ERC1: variants seen among roughly 807,000 people sequenced by gnomAD.
The protein encoded by ERC1 is ELKS/RAB6-interacting/CAST family member 1.
A neutral mutation model predicts 132.0 loss-of-function variants in ERC1; 56 were observed. That is an observed-to-expected ratio of 0.42 (90% CI 0.34 to 0.53). The LOEUF (loss-of-function observed/expected upper bound fraction) is 0.53. ERC1 is among the 20% of genes least tolerant of loss of function. ERC1 has a pLI of 0.03. For missense variants in ERC1, 1,202 were observed against 1,349.9 expected, an observed-to-expected ratio of 0.89 and a Z score of 1.72; for synonymous variants, 478 against 476.1, an observed-to-expected ratio of 1.00 and a Z score of -0.05.
At chr12:1,104,071 G>A (rs1944973633) in intron 3 of ERC1, among the ~76,000 whole-genome samples, 1 of 151,482 alleles carries the variant, frequency 6.6e-6, no homozygotes, top group Non-Finnish European at 1.5e-5. Context: ...TGGTAACCTG[G>A]AAGGCTCTGA....
At chr12:1,019,964 AG>A (rs1203131787) in intron 1 of ERC1, among the ~76,000 whole-genome samples, 1 of 151,592 alleles carries the variant, frequency 6.6e-6, no homozygotes, top group Non-Finnish European at 1.5e-5. Flanking sequence ...CGTGTTGTCC[AG>A]GCTGGTCTTG....
At position 1,383,493 on chromosome 12, in the gene ERC1, G is replaced by C. The variant is rs538361976; in HGVS notation, c.2925+11516G>C. On this transcript the variant is annotated intron_variant, in intron 16 of 18. Coordinates refer to ENST00000360905, the MANE Select transcript of ERC1 (RefSeq NM_178040.4). ...TTAAAAGCAAATGTGAATTAGACAA[G>C]TGTGGTGGCATGCGCCTGTAATCTC... Among the ~76,000 whole-genome samples, 17 of 152,270 alleles carry C rather than the reference G, an allele frequency of 1.1e-4. 1 individual carries two copies. Among genetic ancestry groups the C allele is most frequent in the African/African-American group, 4.1e-4 (17 of 41,540 alleles).
intron 12 of ERC1, among the ~76,000 whole-genome samples, chr12:1,209,524 A>G (rs1015767549): frequency 6.6e-6 from 1 of 151,166 alleles, no homozygotes; most frequent in African/African-American, 2.4e-5. Flanking sequence ...TGTCCTATTT[A>G]TCAACATTTT....
At chr12:1,291,100 A>G (rs926259865) in intron 15 of ERC1, among the ~76,000 whole-genome samples, 1 of 152,240 alleles carries the variant, frequency 6.6e-6, no homozygotes, top group Admixed American at 6.5e-5. Context: ...ATCTTGCCAT[A>G]ATACCTTAGC....
At chr12:1,001,229 A>T (rs1962196566) in intron 1 of ERC1, among the ~76,000 whole-genome samples, 1 of 151,914 alleles carries the variant, frequency 6.6e-6, no homozygotes, top group East Asian at 1.9e-4. Context: ...TAATTTTAAA[A>T]CTTATTTTTG....
chr12:1,081,863 A>G (rs796884090), intron 2 of ERC1, among the ~76,000 whole-genome samples: 37 of 152,330 alleles, frequency 2.4e-4, no homozygotes, highest in African/African-American at 8.2e-4. Context: ...TTTTTACTAC[A>G]GTAAAATAAA....
At chr12:1,058,865 C>A (rs536397317) in intron 2 of ERC1, among the ~76,000 whole-genome samples, 2 of 148,576 alleles carry the variant, frequency 1.3e-5, no homozygotes, top group African/African-American at 5.0e-5. Flanking sequence ...GATCATAGCT[C>A]ACTGAAACCT....
At chr12:1,485,104 G>C (rs1391595093) in intron 18 of ERC1, among the ~76,000 whole-genome samples, 3 of 149,386 alleles carry the variant, frequency 2.0e-5, no homozygotes, top group Non-Finnish European at 4.4e-5. Context: ...GCGCAGGCTG[G>C]TCTTGAACTC....
chr12:1,160,889 C>G (rs560559473), intron 8 of ERC1, among the ~76,000 whole-genome samples: 1 of 152,254 alleles, frequency 6.6e-6, no homozygotes, highest in East Asian at 1.9e-4. Context: ...AGCCACTGTG[C>G]CCAGCCTGAA....
intron 13 of ERC1, among the ~76,000 whole-genome samples, chr12:1,259,889 A>C (rs568439502): frequency 2.6e-5 from 4 of 152,200 alleles, no homozygotes; most frequent in Non-Finnish European, 4.4e-5. Flanking sequence ...CATTGCTACT[A>C]TAAAAACACA....
chr12:1,332,564 T>G (rs2082948425), intron 15 of ERC1, among the ~76,000 whole-genome samples: 1 of 152,228 alleles, frequency 6.6e-6, no homozygotes, highest in Non-Finnish European at 1.5e-5. Flanking sequence ...CTCTGGGTGA[T>G]ACAGCTGACT....
At chr12:1,063,901 G>A (rs754280109) in intron 2 of ERC1, among the ~76,000 whole-genome samples, 11 of 151,980 alleles carry the variant, frequency 7.2e-5, no homozygotes, top group Admixed American at 2.6e-4. Flanking sequence ...ATGTGTTTTC[G>A]TGATGATACA....
At position 1,027,815 on chromosome 12, in the gene ERC1, C is replaced by G. The variant is rs1967148328; in HGVS notation, c.-89C>G. ...CTTCTTCTGATTAACCTTAAACCAACTTGTAGCCATAGAGACACCTCACAA... is the reference window on the plus strand; with the variant it reads ...CTTCTTCTGATTAACCTTAAACCAAGTTGTAGCCATAGAGACACCTCACAA... On this transcript the variant is annotated 5_prime_UTR_variant, in exon 2 of 19. Transcript: ENST00000360905. 1.7e-6 allele frequency: 2 copies of G among 1,203,976 alleles called. No individual in the cohort carries two copies. Among genetic ancestry groups the G allele is most frequent in the Admixed American group, 4.5e-5 (2 of 44,634 alleles). 74.6% of individuals were successfully genotyped at this position (1,203,976 alleles called of 1,614,324 possible). A position where few individuals can be genotyped will look rare whatever the true frequency, so the allele number is the denominator to read the frequency against.
chr12:1,399,109 C>G (rs1281016710), intron 16 of ERC1, among the ~76,000 whole-genome samples: 1 of 151,368 alleles, frequency 6.6e-6, no homozygotes, highest in Admixed American at 6.6e-5. Flanking sequence ...GACATCATGC[C>G]CAGCAATTTT....
At chr12:1,174,153 A>T (rs1015287556) in intron 8 of ERC1, among the ~76,000 whole-genome samples, 6 of 152,150 alleles carry the variant, frequency 3.9e-5, no homozygotes, top group African/African-American at 1.4e-4. Flanking sequence ...ATGGGCACAC[A>T]TTTCACCCGA....
At chr12:1,098,731 T>C (rs573668070) in intron 3 of ERC1, among the ~76,000 whole-genome samples, 2 of 152,364 alleles carry the variant, frequency 1.3e-5, no homozygotes, top group African/African-American at 2.4e-5. Flanking sequence ...AAATGGGCAG[T>C]TGGATGTATG....
intron 16 of ERC1, among the ~76,000 whole-genome samples, chr12:1,401,216 G>C (rs535215891): frequency 6.6e-6 from 1 of 152,030 alleles, no homozygotes; most frequent in Non-Finnish European, 1.5e-5. Context: ...TTACAGGCGT[G>C]AGCCACCGCG....
At chr12:1,470,624 G>C (rs541123980) in intron 18 of ERC1, among the ~76,000 whole-genome samples, 4 of 151,966 alleles carry the variant, frequency 2.6e-5, no homozygotes, top group Non-Finnish European at 5.9e-5. Flanking sequence ...TTATAACGAC[G>C]AGCCCTTAAT....
intron 1 of ERC1, among the ~76,000 whole-genome samples, chr12:1,007,252 A>G (rs1351036803): frequency 1.3e-5 from 2 of 152,162 alleles, no homozygotes; most frequent in Non-Finnish European, 2.9e-5. Flanking sequence ...TTTACCTTGG[A>G]GCAATGGCAA....
Sources: gnomAD v4.1 joint callset for allele counts (sites outside exome capture counted in the v4.1 genomes callset) on GRCh38, gnomAD v4.1.1 for gene constraint, MANE v1.5 for transcripts, NCBI Gene and HGNC (gene_info 2026-07-23, HGNC 2026-07-21) for gene names.